AQP7B: variants seen among roughly 807,000 people sequenced by gnomAD.
AQP7B encodes the protein aquaporin 7B, also known as putative aquaporin-7B.
At chr2:94,601,661 C>A in the AQP7B span, among the ~76,000 whole-genome samples, 1,125 of 152,144 alleles carry the variant, frequency 7.4e-3, 7 homozygotes, top group Non-Finnish European at 0.011. Context: ...AGGGAGGGGG[C>A]AACCAGGAAC....
the AQP7B span, among the ~76,000 whole-genome samples, chr2:94,600,250 C>G: frequency 1.3e-5 from 2 of 152,168 alleles, no homozygotes; most frequent in East Asian, 3.9e-4. Flanking sequence ...GTCTACAATT[C>G]TTCAGGTTTT....
chr2:94,603,493 C>T, the AQP7B span: 2 of 1,609,544 alleles, frequency 1.2e-6, no homozygotes, highest in South Asian at 2.2e-5. Flanking sequence ...GCGGGGCTTC[C>T]TGAATGAGGT....
At chr2:94,597,011 CT>C in the AQP7B span, among the ~76,000 whole-genome samples, 1 of 152,182 alleles carries the variant, frequency 6.6e-6, no homozygotes, top group East Asian at 1.9e-4. Context: ...ACAACTTTAG[CT>C]TCCTTATTGG....
the AQP7B span, among the ~76,000 whole-genome samples, chr2:94,601,370 G>A: frequency 2.4e-4 from 37 of 152,302 alleles, no homozygotes; most frequent in Admixed American, 8.5e-4. Flanking sequence ...AGCCTGAGAC[G>A]CCCACGGAAC....
the AQP7B span, among the ~76,000 whole-genome samples, chr2:94,591,401 G>T: frequency 6.6e-6 from 1 of 152,158 alleles, no homozygotes; most frequent in Admixed American, 6.5e-5. Flanking sequence ...CGAACACCAA[G>T]CCTGTCAGCT....
At chr2:94,602,442 G>A in the AQP7B span, 1 of 1,566,098 alleles carries the variant, frequency 6.4e-7, no homozygotes, top group Admixed American at 1.7e-5. Flanking sequence ...GCCCTCCTCT[G>A]AGGTTGGGGC....
chr2:94,603,824 T>A, the AQP7B span: 1 of 1,491,846 alleles, frequency 6.7e-7, no homozygotes, highest in Non-Finnish European at 9.3e-7. Flanking sequence ...GTGGTCATCA[T>A]CAGGGTGTCC....
the AQP7B span, among the ~76,000 whole-genome samples, chr2:94,594,481 A>G: frequency 6.6e-6 from 1 of 152,192 alleles, no homozygotes; most frequent in Non-Finnish European, 1.5e-5. Context: ...CCGTCTGCAA[A>G]GTGGCCTCAT....
the AQP7B span, among the ~76,000 whole-genome samples, chr2:94,590,447 T>C: frequency 6.6e-6 from 1 of 152,032 alleles, no homozygotes; most frequent in South Asian, 2.1e-4. Context: ...CTCGGCCTCC[T>C]AAAGTGTTGG....
the AQP7B span, among the ~76,000 whole-genome samples, chr2:94,595,219 G>C: frequency 2.0e-5 from 3 of 152,144 alleles, no homozygotes; most frequent in East Asian, 5.8e-4. Context: ...TGGATCACCT[G>C]AAGTCAGGAG....
chr2:94,599,254 C>T, the AQP7B span, among the ~76,000 whole-genome samples: 2 of 152,100 alleles, frequency 1.3e-5, no homozygotes, highest in East Asian at 1.9e-4. Context: ...CCCCCCGGCA[C>T]CCCCATCTGT....
the AQP7B span, chr2:94,603,052 C>A: frequency 1.9e-6 from 3 of 1,597,542 alleles, no homozygotes; most frequent in Non-Finnish European, 8.5e-7. Context: ...CACATGAATG[C>A]AGCTGTGACC....
chr2:94,596,232 G>C, the AQP7B span, among the ~76,000 whole-genome samples: 18 of 152,366 alleles, frequency 1.2e-4, no homozygotes, highest in African/African-American at 3.6e-4. Flanking sequence ...GTGTGTGATT[G>C]GGACAGTATC....
the AQP7B span, chr2:94,604,170 G>A: frequency 1.3e-3 from 1,419 of 1,072,408 alleles, 17 homozygotes; most frequent in African/African-American, 0.019. Context: ...TGGGTTGGGG[G>A]TGTTTCCTGG....
At chr2:94,590,807 G>C in the AQP7B span, among the ~76,000 whole-genome samples, 1 of 151,656 alleles carries the variant, frequency 6.6e-6, no homozygotes, top group East Asian at 2.0e-4. Flanking sequence ...AGCCGGTCAT[G>C]GTGGCATGCT....
chr2:94,591,071 T>C, the AQP7B span, among the ~76,000 whole-genome samples: 2 of 152,102 alleles, frequency 1.3e-5, no homozygotes, highest in Non-Finnish European at 2.9e-5. Flanking sequence ...TTTCTTGCTT[T>C]GTAGGCTGGC....
the AQP7B span, among the ~76,000 whole-genome samples, chr2:94,598,898 G>A: frequency 6.6e-6 from 1 of 152,150 alleles, no homozygotes; most frequent in Non-Finnish European, 1.5e-5. Flanking sequence ...TGCCTCCCAG[G>A]TTCAAGTGAT....
the AQP7B span, among the ~76,000 whole-genome samples, chr2:94,593,953 G>A: frequency 2.0e-5 from 3 of 152,138 alleles, no homozygotes; most frequent in Non-Finnish European, 4.4e-5. Context: ...GGCCCTTTGG[G>A]AAGCTCTGAG....
At chr2:94,603,558 C>T in the AQP7B span, 1 of 1,529,080 alleles carries the variant, frequency 6.5e-7, no homozygotes, top group South Asian at 1.2e-5. Flanking sequence ...AGGACAGAGC[C>T]AGCAGGGAGT....
Sources: gnomAD v4.1 joint callset for allele counts (sites outside exome capture counted in the v4.1 genomes callset) on GRCh38, gnomAD v4.1.1 for gene constraint, MANE v1.5 for transcripts, NCBI Gene and HGNC (gene_info 2026-07-23, HGNC 2026-07-21) for gene names.